SLIT1: variants seen among roughly 807,000 people sequenced by gnomAD.
The protein encoded by SLIT1 is slit homolog 1 protein.
SLIT1 carries 66 observed loss-of-function variants against 186.1 expected under a neutral mutation model. The observed-to-expected ratio is 0.35, with a 90% CI of 0.29 to 0.44. The LOEUF is 0.44. Ranked by LOEUF, SLIT1 falls within the 20% of genes least tolerant of loss-of-function variation. SLIT1 has a pLI of 1.00. For synonymous variants in SLIT1, 761 were observed against 833.8 expected (o/e 0.91, Z 1.50); for missense variants, 1,638 against 2,037.4 (o/e 0.80, Z 3.77).
intron 1 of SLIT1, among the ~76,000 whole-genome samples, chr10:97,176,888 T>C (rs1189569388): frequency 6.6e-6 from 1 of 152,158 alleles, no homozygotes. Flanking sequence ...CTTCAACACC[T>C]TCCCTTCCTC....
intron 25 of SLIT1, among the ~76,000 whole-genome samples, chr10:97,024,941 G>T (rs756966743): frequency 6.6e-6 from 1 of 152,180 alleles, no homozygotes; most frequent in Non-Finnish European, 1.5e-5. Flanking sequence ...CACCTGAGAT[G>T]TAAGTGCTCC....
intron 8 of SLIT1, among the ~76,000 whole-genome samples, chr10:97,062,965 C>T (rs1848907052): frequency 2.0e-5 from 3 of 152,076 alleles, no homozygotes; most frequent in Admixed American, 2.0e-4. Context: ...TCTTTTGGAG[C>T]CAAGTTTAGA....
chr10:97,165,283 T>C (rs960171047), intron 1 of SLIT1, among the ~76,000 whole-genome samples: 1 of 152,202 alleles, frequency 6.6e-6, no homozygotes, highest in Non-Finnish European at 1.5e-5. Flanking sequence ...TGCGGACAAC[T>C]GTGTCTACCT....
At chr10:97,130,034 T>C (rs1478579137) in intron 4 of SLIT1, among the ~76,000 whole-genome samples, 1 of 152,188 alleles carries the variant, frequency 6.6e-6, no homozygotes, top group Non-Finnish European at 1.5e-5. Context: ...GGAAACGACC[T>C]CTTCTGGCAG....
At chr10:97,139,954 G>A (rs2134702088) in intron 4 of SLIT1, among the ~76,000 whole-genome samples, 1 of 152,264 alleles carries the variant, frequency 6.6e-6, no homozygotes, top group South Asian at 2.1e-4. Flanking sequence ...GGGGTAGGCA[G>A]CAGCAACAGA....
chr10:97,024,265 G>A (rs1236564667), intron 25 of SLIT1, among the ~76,000 whole-genome samples: 1 of 152,106 alleles, frequency 6.6e-6, no homozygotes, highest in Non-Finnish European at 1.5e-5. Flanking sequence ...TAGCTCAGCT[G>A]ATGATTCACA....
intron 1 of SLIT1, among the ~76,000 whole-genome samples, chr10:97,182,663 A>G (rs1850355199): frequency 6.6e-6 from 1 of 152,204 alleles, no homozygotes; most frequent in South Asian, 2.1e-4. Flanking sequence ...CCAGAGGAAA[A>G]GTTCACATAT....
intron 8 of SLIT1, among the ~76,000 whole-genome samples, chr10:97,062,774 T>A (rs1848905138): frequency 5.3e-5 from 8 of 152,188 alleles, no homozygotes; most frequent in Admixed American, 5.2e-4. Context: ...AGCCTCAGAC[T>A]CTCGACACAG....
At chr10:97,007,636 C>G (rs1319738123) in intron 31 of SLIT1, among the ~76,000 whole-genome samples, 1 of 151,932 alleles carries the variant, frequency 6.6e-6, no homozygotes, top group Non-Finnish European at 1.5e-5. Context: ...CTGGTTTGAC[C>G]TCTGAAATTC....
At chr10:97,030,647 T>C in intron 25 of SLIT1, 110 bp downstream of exon 25, 2 of 910,686 alleles carry the variant, frequency 2.2e-6, no homozygotes, top group South Asian at 2.8e-5. Context: ...CCAAGCTTAA[T>C]TTCAGAGTAA....
intron 13 of SLIT1, among the ~76,000 whole-genome samples, chr10:97,055,829 T>G (rs1052974006): frequency 1.1e-4 from 16 of 152,274 alleles, no homozygotes; most frequent in African/African-American, 3.9e-4. Flanking sequence ...CTACTATTTT[T>G]TGTACTATCA....
intron 4 of SLIT1, among the ~76,000 whole-genome samples, chr10:97,082,132 C>T (rs1778208920): frequency 1.3e-5 from 2 of 152,266 alleles, no homozygotes; most frequent in Admixed American, 1.3e-4. Context: ...CCAGTTTCCA[C>T]TTCTCCAGAA....
In SLIT1 at chr10:97,184,548, TA is replaced by T. The variant is rs1850385083; in HGVS notation, c.197+929del. ...TGCAGGAGAGTCACAGAAAACAAAG[TA>T]TAAAGGTCTGTAAATACACACACTC... On this transcript the variant is annotated intron_variant, in intron 1 of 36. Coordinates refer to ENST00000266058, the MANE Select transcript of SLIT1 (RefSeq NM_003061.3). The surrounding 1 kb of genome is among the most constrained non-coding windows in gnomAD (Gnocchi z 4.4). 6.6e-6 allele frequency among the ~76,000 whole-genome samples: 1 copy of T among 151,550 alleles called. No homozygotes were observed. Among genetic ancestry groups the T allele is most frequent in the Non-Finnish European group, 1.5e-5 (1 of 67,872 alleles).
At chr10:97,090,924 G>A (rs955397125) in intron 4 of SLIT1, among the ~76,000 whole-genome samples, 1 of 152,238 alleles carries the variant, frequency 6.6e-6, no homozygotes, top group South Asian at 2.1e-4. Flanking sequence ...GGGCAGCCCC[G>A]GTTCTCAGTA....
At position 97,022,243 on chromosome 10, in the gene SLIT1, C is replaced by G. The variant is rs1848508593; in HGVS notation, c.2583-830G>C. Among the ~76,000 whole-genome samples the G allele has an allele frequency of 6.6e-6, 1 of 152,196 alleles. No homozygotes were observed. Among genetic ancestry groups the G allele is most frequent in the Non-Finnish European group, 1.5e-5 (1 of 68,038 alleles). On this transcript the variant is annotated intron_variant, in intron 25 of 36. Coordinates refer to ENST00000266058, the MANE Select transcript of SLIT1 (RefSeq NM_003061.3). The surrounding 1 kb of genome is among the most constrained non-coding windows in gnomAD (Gnocchi z 4.2). ...GGTCACACAACTAGCTAAGGGCAGCCCCTGGATCCAGATGTGCCGCTGTCT... is the reference window on the plus strand; with the variant it reads ...GGTCACACAACTAGCTAAGGGCAGCGCCTGGATCCAGATGTGCCGCTGTCT...
intron 25 of SLIT1, among the ~76,000 whole-genome samples, chr10:97,025,279 C>T (rs755831552): frequency 6.6e-6 from 1 of 151,784 alleles, no homozygotes; most frequent in African/African-American, 2.4e-5. Flanking sequence ...CCACACCAGC[C>T]GTCTCAAAAA....
chr10:97,075,313 T>C (rs1849035904), intron 4 of SLIT1, among the ~76,000 whole-genome samples: 1 of 152,230 alleles, frequency 6.6e-6, no homozygotes, highest in Admixed American at 6.5e-5. Flanking sequence ...ATAATTATCA[T>C]ATGGCTTAAC....
At chr10:97,121,842 G>A (rs1243564177) in intron 4 of SLIT1, among the ~76,000 whole-genome samples, 4 of 152,172 alleles carry the variant, frequency 2.6e-5, no homozygotes, top group Non-Finnish European at 2.9e-5. Flanking sequence ...TGACAGGATG[G>A]ACACATATGG....
intron 3 of SLIT1, among the ~76,000 whole-genome samples, chr10:97,160,597 G>A (rs1850012593): frequency 2.0e-5 from 3 of 152,126 alleles, no homozygotes; most frequent in South Asian, 2.1e-4. Flanking sequence ...GAACACCAGC[G>A]TTTCACACCA....
Sources: allele counts gnomAD v4.1 joint callset (sites outside exome capture counted in the v4.1 genomes callset), GRCh38; gene constraint gnomAD v4.1.1; non-coding constraint Gnocchi (gnomAD v3.1); transcripts MANE v1.5; gene names NCBI Gene and HGNC (gene_info 2026-07-23, HGNC 2026-07-21).